Variants in LIPC observed in about 807,000 individuals in gnomAD.
The protein encoded by LIPC is lipase C, hepatic type, also known as hepatic triacylglycerol lipase.
Under a neutral mutation model 50.7 loss-of-function variants are expected in LIPC, and 44 were observed. That is an observed-to-expected ratio of 0.87 (90% CI 0.68 to 1.11). The LOEUF (loss-of-function observed/expected upper bound fraction) is 1.11. Ranked by LOEUF, LIPC falls within the 50% of genes most tolerant of loss-of-function variation. LIPC has a pLI of 0.00. For missense variants in LIPC, 697 were observed against 648.2 expected (o/e 1.08, Z -0.82); for synonymous variants, 271 against 256.4 (o/e 1.06, Z -0.54).
At position 58,548,129 on chromosome 15, in the gene LIPC, A is replaced by T. The variant is rs1893601624; in HGVS notation, c.809-201A>T. On this transcript the variant is annotated intron_variant, in intron 5 of 8. Transcript: ENST00000299022. ...TGCCCGGGATTTTGCCTGACACTAC[A>T]TGACTCAGAGGGTCTACTTCCCTTA... Among the ~76,000 whole-genome samples the T allele has an allele frequency of 2.6e-5, 4 of 152,048 alleles. No homozygotes were observed. The South Asian group carries it at 8.3e-4, about 32-fold the overall frequency.
chr15:58,526,522 G>T (rs1201643524), intron 1 of LIPC, among the ~76,000 whole-genome samples: 2 of 152,212 alleles, frequency 1.3e-5, no homozygotes, highest in Non-Finnish European at 2.9e-5. Flanking sequence ...CCAAATGGAA[G>T]ATGGGAGGCT....
chr15:58,525,559 C>T (rs1033984136), intron 1 of LIPC, among the ~76,000 whole-genome samples: 19 of 152,190 alleles, frequency 1.2e-4, no homozygotes, highest in African/African-American at 4.3e-4. Context: ...ACTCCCCAAA[C>T]AAGGCAGAGG....
At chr15:58,440,644 G>A (rs1338382274) in intron 1 of LIPC, among the ~76,000 whole-genome samples, 8 of 152,210 alleles carry the variant, frequency 5.3e-5, no homozygotes, top group African/African-American at 1.9e-4. Context: ...TGGAGATTGG[G>A]AGAGGCGCAT....
intron 2 of LIPC, among the ~76,000 whole-genome samples, chr15:58,540,886 G>A (rs1049916634): frequency 1.3e-5 from 2 of 151,920 alleles, no homozygotes; most frequent in Admixed American, 6.6e-5. Flanking sequence ...CTGCAGACTC[G>A]ACCTCCTAGG....
chr15:58,567,281 G>GTGTGTA (rs1491163077), intron 8 of LIPC, among the ~76,000 whole-genome samples: 12 of 65,410 alleles, frequency 1.8e-4, no homozygotes, highest in Non-Finnish European at 3.0e-4. Flanking sequence ...GTGTGTGTGT[G>GTGTGTA]TATATATATA....
intron 6 of LIPC, among the ~76,000 whole-genome samples, chr15:58,553,859 G>A (rs1443525923): frequency 6.6e-6 from 1 of 152,156 alleles, no homozygotes; most frequent in South Asian, 2.1e-4. Context: ...CACCATCCTG[G>A]GCCCCTCAAT....
chr15:58,515,525 T>TACACAC (rs75583887), intron 1 of LIPC, among the ~76,000 whole-genome samples: 27 of 141,982 alleles, frequency 1.9e-4, no homozygotes, highest in African/African-American at 6.4e-4. Context: ...TCTTTGCATA[T>TACACAC]ACACACACAT....
intron 1 of LIPC, among the ~76,000 whole-genome samples, chr15:58,511,804 A>G (rs1167356538): frequency 6.6e-6 from 1 of 152,244 alleles, no homozygotes; most frequent in African/African-American, 2.4e-5. Flanking sequence ...TTAAGTTACA[A>G]CAGTAGAGGG....
intron 1 of LIPC, among the ~76,000 whole-genome samples, chr15:58,489,223 C>CGGGGGTGGGGGGGGGGGGGGG (rs1566926406): frequency 1.5e-5 from 1 of 67,256 alleles, no homozygotes; most frequent in African/African-American, 1.0e-4. Flanking sequence ...GTTGCGGGGG[C>CGGGGGTGGGGGGGGGGGGGGG]GGGGGGGCGG....
At chr15:58,557,379 C>CTTTTTTTTTTTTTTTTTTTTTTTTTTT (rs386383140) in intron 6 of LIPC, among the ~76,000 whole-genome samples, 1 of 75,700 alleles carries the variant, frequency 1.3e-5, no homozygotes, top group Non-Finnish European at 2.3e-5. Flanking sequence ...ATTATATGCT[C>CTTTTTTTTTTTTTTTTTTTTTTTTTTT]TTTTTTTTTT....
At chr15:58,504,216 G>A (rs1305587989) in intron 1 of LIPC, among the ~76,000 whole-genome samples, 1 of 152,166 alleles carries the variant, frequency 6.6e-6, no homozygotes, top group Non-Finnish European at 1.5e-5. Context: ...TCCTCTTGAT[G>A]GTGGGGTCAT....
At chr15:58,550,874 T>C (rs1396403242) in intron 6 of LIPC, among the ~76,000 whole-genome samples, 7 of 116,808 alleles carry the variant, frequency 6.0e-5, no homozygotes, top group African/African-American at 2.3e-4. Flanking sequence ...TCTCACTCTG[T>C]CGCCCAGGCT....
intron 6 of LIPC, among the ~76,000 whole-genome samples, chr15:58,552,781 T>C (rs1893811358): frequency 6.6e-6 from 1 of 152,198 alleles, no homozygotes; most frequent in Admixed American, 6.5e-5. Context: ...CAGCACAGGC[T>C]TGGGGTTGGG....
chr15:58,470,474 T>A (rs560574790), intron 1 of LIPC, among the ~76,000 whole-genome samples: 1 of 152,170 alleles, frequency 6.6e-6, no homozygotes, highest in African/African-American at 2.4e-5. Flanking sequence ...TAAATGTAAC[T>A]TAAAATTACT....
chr15:58,507,051 T>C (rs28587801), intron 1 of LIPC, among the ~76,000 whole-genome samples: 3,233 of 152,088 alleles, frequency 0.021, 113 homozygotes, highest in African/African-American at 0.072. Flanking sequence ...AAGAACAAGC[T>C]GGGGGAAACC....
At chr15:58,508,383 A>G (rs1156403375) in intron 1 of LIPC, among the ~76,000 whole-genome samples, 1 of 152,132 alleles carries the variant, frequency 6.6e-6, no homozygotes, top group Non-Finnish European at 1.5e-5. Context: ...CCCCAAAGCA[A>G]TATTAGTCCA....
chr15:58,511,999 T>G (rs1458131786), intron 1 of LIPC, among the ~76,000 whole-genome samples: 1 of 152,228 alleles, frequency 6.6e-6, no homozygotes, highest in Non-Finnish European at 1.5e-5. Flanking sequence ...CACAGCATTT[T>G]AAAACCTAGA....
intron 1 of LIPC, among the ~76,000 whole-genome samples, chr15:58,490,935 C>G (rs1891564906): frequency 6.6e-6 from 1 of 152,194 alleles, no homozygotes; most frequent in Non-Finnish European, 1.5e-5. Context: ...CTGGCCACAG[C>G]TCACCTCCTA....
intron 1 of LIPC, among the ~76,000 whole-genome samples, chr15:58,440,561 T>C (rs532464623): frequency 9.9e-4 from 151 of 152,324 alleles, no homozygotes; most frequent in Non-Finnish European, 1.7e-3. Flanking sequence ...AAAGCGTACA[T>C]CCACTCACCA....
Sources: gnomAD v4.1 joint callset for allele counts (sites outside exome capture counted in the v4.1 genomes callset) on GRCh38, gnomAD v4.1.1 for gene constraint, MANE v1.5 for transcripts, NCBI Gene and HGNC (gene_info 2026-07-23, HGNC 2026-07-21) for gene names.